The following LRRTM4 variants were observed in gnomAD, a reference collection of about 807,000 sequenced individuals.
LRRTM4 encodes leucine rich repeat transmembrane neuronal 4, also known as leucine-rich repeat transmembrane neuronal protein 4.
In LRRTM4, 25 loss-of-function variants were observed where a neutral mutation model predicts 47.6. The observed-to-expected ratio is 0.53, with a 90% CI of 0.38 to 0.73. The LOEUF is 0.73. LRRTM4 is among the 30% of genes least tolerant of loss of function. LRRTM4 has a pLI of 0.00. For synonymous variants in LRRTM4, 311 were observed against 269.5 expected (o/e 1.15, Z -1.51); for missense variants, 638 against 713.4 (o/e 0.89, Z 1.20).
At chr2:77,482,090 T>G (rs962747472) in intron 3 of LRRTM4, among the ~76,000 whole-genome samples, 1 of 152,154 alleles carries the variant, frequency 6.6e-6, no homozygotes, top group Non-Finnish European at 1.5e-5. Flanking sequence ...TTCGGGTCAA[T>G]GGATGGCTAT....
intron 3 of LRRTM4, among the ~76,000 whole-genome samples, chr2:77,248,787 T>C (rs1675520642): frequency 6.6e-6 from 1 of 151,890 alleles, no homozygotes; most frequent in South Asian, 2.1e-4. Context: ...AAAGACAATA[T>C]AATGGAGAAG....
intron 3 of LRRTM4, among the ~76,000 whole-genome samples, chr2:77,375,986 A>T (rs1672825946): frequency 6.6e-6 from 1 of 151,824 alleles, no homozygotes; most frequent in African/African-American, 2.4e-5. Flanking sequence ...AATCGTTCAT[A>T]CAAATAGAAT....
chr2:76,796,235 G>T (rs1292225486), intron 3 of LRRTM4, among the ~76,000 whole-genome samples: 125 of 70,120 alleles, frequency 1.8e-3, no homozygotes, highest in Middle Eastern at 8.5e-3. Context: ...CAGCCAGGCT[G>T]GGGGAGGGGT....
intron 3 of LRRTM4, among the ~76,000 whole-genome samples, chr2:76,754,623 C>T (rs368224575): frequency 3.9e-5 from 6 of 152,140 alleles, no homozygotes; most frequent in African/African-American, 1.2e-4. Flanking sequence ...CCAAGTTTTA[C>T]GTATTCCACT....
chr2:77,072,818 A>AAAAAAC (rs1680203995), intron 3 of LRRTM4, among the ~76,000 whole-genome samples: 2 of 151,550 alleles, frequency 1.3e-5, no homozygotes, highest in Non-Finnish European at 2.9e-5. Flanking sequence ...AAAAAAAAAA[A>AAAAAAC]AAAAACAAAG....
intron 3 of LRRTM4, among the ~76,000 whole-genome samples, chr2:77,126,234 C>T (rs1440124816): frequency 6.6e-6 from 1 of 151,338 alleles, no homozygotes; most frequent in Admixed American, 6.6e-5. Context: ...ATGACATAGT[C>T]CAATAAAGGA....
intron 3 of LRRTM4, among the ~76,000 whole-genome samples, chr2:77,344,189 T>C (rs910087968): frequency 4.6e-5 from 7 of 151,596 alleles, no homozygotes; most frequent in Admixed American, 3.3e-4. Context: ...CAAAAGAACA[T>C]GAAAAATAAC....
chr2:77,227,028 A>T (rs140941004), intron 3 of LRRTM4, among the ~76,000 whole-genome samples: 219 of 152,112 alleles, frequency 1.4e-3, no homozygotes, highest in African/African-American at 5.1e-3. Context: ...ACTGACTGTT[A>T]TTCCCAGCCA....
intron 3 of LRRTM4, among the ~76,000 whole-genome samples, chr2:77,260,001 C>T (rs749411836): frequency 6.6e-5 from 10 of 151,688 alleles, no homozygotes; most frequent in Admixed American, 4.0e-4. Context: ...TGGAGAGTTG[C>T]GAAGTGAAAA....
intron 3 of LRRTM4, among the ~76,000 whole-genome samples, chr2:77,389,671 G>A (rs979249017): frequency 6.6e-6 from 1 of 151,968 alleles, no homozygotes; most frequent in Admixed American, 6.6e-5. Flanking sequence ...CTACTATCAA[G>A]AAGAGCTTAA....
At chr2:77,419,165 ATTTAT>A (rs1398479859) in intron 3 of LRRTM4, among the ~76,000 whole-genome samples, 33 of 152,230 alleles carry the variant, frequency 2.2e-4, no homozygotes, top group Middle Eastern at 3.4e-3. Context: ...CTGTCAGTGG[ATTTAT>A]CTATTTATTT....
At chr2:76,849,891 G>A (rs1338697572) in intron 3 of LRRTM4, among the ~76,000 whole-genome samples, 1 of 151,958 alleles carries the variant, frequency 6.6e-6, no homozygotes, top group Non-Finnish European at 1.5e-5. Context: ...ATGTATAATT[G>A]TATTACTCCT....
At chr2:76,938,765 T>A (rs1675040893) in intron 3 of LRRTM4, among the ~76,000 whole-genome samples, 1 of 152,146 alleles carries the variant, frequency 6.6e-6, no homozygotes, top group Non-Finnish European at 1.5e-5. Context: ...TTAAAAATTA[T>A]CCTTTATAAT....
chr2:77,049,122 T>TATATATATATACACATATA (rs34587249), intron 3 of LRRTM4, among the ~76,000 whole-genome samples: 1 of 62,698 alleles, frequency 1.6e-5, no homozygotes, highest in African/African-American at 8.8e-5. Flanking sequence ...ATTTCATTTT[T>TATATATATATACACATATA]TATATATATA....
intron 3 of LRRTM4, among the ~76,000 whole-genome samples, chr2:76,921,980 C>T (rs1674446802): frequency 6.6e-6 from 1 of 151,958 alleles, no homozygotes; most frequent in South Asian, 2.1e-4. Flanking sequence ...TCACAATAAA[C>T]AAATTGTGGA....
intron 3 of LRRTM4, among the ~76,000 whole-genome samples, chr2:77,457,640 T>C (rs1676614455): frequency 6.6e-6 from 1 of 152,154 alleles, no homozygotes; most frequent in Admixed American, 6.5e-5. Context: ...AAACATAATG[T>C]AATCTTCCTA....
At chr2:77,055,557 T>C (rs1302758881) in intron 3 of LRRTM4, among the ~76,000 whole-genome samples, 1 of 152,146 alleles carries the variant, frequency 6.6e-6, no homozygotes, top group Non-Finnish European at 1.5e-5. Flanking sequence ...CTGGAGAGGA[T>C]GTGGAGAAAT....
intron 3 of LRRTM4, among the ~76,000 whole-genome samples, chr2:77,018,759 C>A (rs1678163032): frequency 9.2e-6 from 1 of 108,998 alleles, no homozygotes; most frequent in African/African-American, 4.3e-5. Context: ...AGTTTAAAGC[C>A]CTTTAAGAAG....
At chr2:77,384,247 A>C (rs1673174820) in intron 3 of LRRTM4, among the ~76,000 whole-genome samples, 1 of 151,830 alleles carries the variant, frequency 6.6e-6, no homozygotes, top group Non-Finnish European at 1.5e-5. Flanking sequence ...AAAATTCACT[A>C]AACACAACAT....
Sources: allele counts gnomAD v4.1 joint callset (sites outside exome capture counted in the v4.1 genomes callset), GRCh38; gene constraint gnomAD v4.1.1; transcripts MANE v1.5; gene names NCBI Gene and HGNC (gene_info 2026-07-23, HGNC 2026-07-21).